CCDC102B: variants seen among roughly 807,000 people sequenced by gnomAD.
The protein encoded by CCDC102B is coiled-coil domain containing 102B, also known as coiled-coil domain-containing protein 102B.
CCDC102B carries 75 observed loss-of-function variants against 57.4 expected under a neutral mutation model. The ratio of observed to expected loss-of-function variants is 1.31; its 90% CI spans 1.08 to 1.58. The LOEUF (loss-of-function observed/expected upper bound fraction) is 1.58, where lower values mean the gene tolerates loss of function less well. Among genes scored for constraint, CCDC102B ranks in the 40% most tolerant of loss-of-function variants. The pLI, the probability that CCDC102B is intolerant of heterozygous loss-of-function variation, is 0.00. For synonymous variants in CCDC102B, 206 were observed against 201.9 expected, an observed-to-expected ratio of 1.02 and a Z score of -0.17; for missense variants, 636 against 582.6, an observed-to-expected ratio of 1.09 and a Z score of -0.94.
At chr18:68,984,572 CT>C (rs2050676611) in intron 6 of CCDC102B, among the ~76,000 whole-genome samples, 3 of 152,086 alleles carry the variant, frequency 2.0e-5, no homozygotes, top group Admixed American at 6.6e-5. Flanking sequence ...TCATTACTAG[CT>C]CTGGAGCAAA....
intron 7 of CCDC102B, among the ~76,000 whole-genome samples, chr18:69,013,677 T>G (rs1455772970): frequency 6.6e-6 from 1 of 152,202 alleles, no homozygotes; most frequent in Non-Finnish European, 1.5e-5. Flanking sequence ...GATTTTTAGG[T>G]GAAAACATAT....
intron 2 of CCDC102B, among the ~76,000 whole-genome samples, chr18:68,737,841 A>G (rs2033214195): frequency 6.6e-6 from 1 of 152,040 alleles, no homozygotes; most frequent in South Asian, 2.1e-4. Flanking sequence ...GTTTAGTGCA[A>G]TCCACATTGT....
intron 2 of CCDC102B, among the ~76,000 whole-genome samples, chr18:68,788,921 C>G (rs1404172259): frequency 3.3e-5 from 5 of 151,986 alleles, no homozygotes; most frequent in East Asian, 1.9e-4. Flanking sequence ...TTTCTTCCTA[C>G]TCTGGATGGT....
intron 5 of CCDC102B, among the ~76,000 whole-genome samples, chr18:68,886,486 A>G (rs1461810726): frequency 6.6e-6 from 1 of 152,156 alleles, no homozygotes; most frequent in Non-Finnish European, 1.5e-5. Flanking sequence ...CAATGTTAAC[A>G]TGGAAGAAAT....
At chr18:68,773,378 A>G (rs2034705560) in intron 2 of CCDC102B, among the ~76,000 whole-genome samples, 1 of 152,068 alleles carries the variant, frequency 6.6e-6, no homozygotes, top group African/African-American at 2.4e-5. Flanking sequence ...CTTCATATGC[A>G]GTAAAGAGAA....
chr18:68,819,708 A>G (rs937701114), intron 1 of CCDC102B, among the ~76,000 whole-genome samples: 5 of 152,036 alleles, frequency 3.3e-5, no homozygotes, highest in African/African-American at 1.2e-4. Context: ...CCACAAACAG[A>G]CATAATATAT....
intron 2 of CCDC102B, among the ~76,000 whole-genome samples, chr18:68,757,920 GA>G (rs1267331928): frequency 6.6e-6 from 1 of 151,630 alleles, no homozygotes; most frequent in East Asian, 1.9e-4. Flanking sequence ...ACACATATTA[GA>G]AAGACATCAA....
At chr18:68,823,698 C>T (rs1447768278) in intron 1 of CCDC102B, among the ~76,000 whole-genome samples, 1 of 152,186 alleles carries the variant, frequency 6.6e-6, no homozygotes, top group Non-Finnish European at 1.5e-5. Flanking sequence ...TCATTTAACT[C>T]TGCAGCCTCA....
intron 4 of CCDC102B, among the ~76,000 whole-genome samples, chr18:68,855,670 T>C (rs2038349993): frequency 6.6e-6 from 1 of 152,196 alleles, no homozygotes. Flanking sequence ...ACTAATTTTA[T>C]GCTGTAGATT....
chr18:68,836,832 T>C lies in CCDC102B; in HGVS notation c.69T>C (p.Ile23=). ...TQIFQMQQSS[I]KSRGDMVAPA... ...TCTTCCAGATGCAACAATCATCAAT[T>C]AAGTCACGCGGCGACATGGTGGCAC... Residue 23 remains isoleucine (I), a synonymous_variant, in exon 2 of 8, where the codon ATT becomes ATC. Coordinates refer to ENST00000360242, the MANE Select transcript of CCDC102B (RefSeq NM_024781.3). The C allele has an allele frequency of 1.2e-6, 2 of 1,613,922 alleles. No individual in the cohort carries two copies. The highest frequency in any genetic ancestry group is 2.2e-5 in the South Asian group (2 of 91,072).
chr18:68,753,709 T>C (rs1364478627), intron 2 of CCDC102B: 1 of 151,594 alleles, frequency 6.6e-6, no homozygotes, highest in Non-Finnish European at 1.5e-5. Flanking sequence ...TGCCACTGCA[T>C]TTGGCTAATT....
chr18:68,861,656 G>A (rs1288415389), intron 4 of CCDC102B, among the ~76,000 whole-genome samples: 1 of 152,106 alleles, frequency 6.6e-6, no homozygotes, highest in Non-Finnish European at 1.5e-5. Context: ...TACTGGCCTT[G>A]TGTGAATCCT....
intron 1 of CCDC102B, among the ~76,000 whole-genome samples, chr18:68,815,628 A>G (rs1048385354): frequency 4.0e-5 from 6 of 151,478 alleles, no homozygotes; most frequent in Admixed American, 3.3e-4. Context: ...GAAATATGGT[A>G]TAGATTCATC....
intron 4 of CCDC102B, among the ~76,000 whole-genome samples, chr18:68,873,364 T>G (rs1289984186): frequency 6.6e-6 from 1 of 152,156 alleles, no homozygotes; most frequent in Non-Finnish European, 1.5e-5. Flanking sequence ...CTATGACATT[T>G]TCTGCTCTTT....
intron 1 of CCDC102B, among the ~76,000 whole-genome samples, chr18:68,822,380 C>T (rs112224182): frequency 6.8e-6 from 1 of 146,458 alleles, no homozygotes; most frequent in African/African-American, 2.5e-5. Flanking sequence ...GGCAACATAG[C>T]GAGACTCCAT....
chr18:68,773,953 C>T (rs1021747335), intron 2 of CCDC102B, among the ~76,000 whole-genome samples: 30 of 151,822 alleles, frequency 2.0e-4, no homozygotes, highest in African/African-American at 7.3e-4. Context: ...AAAATGTATG[C>T]CTTTTCTTTC....
chr18:69,053,931 C>A, intron 7 of CCDC102B, 99 bp from the exon 8 acceptor site: 3 of 928,078 alleles, frequency 3.2e-6, no homozygotes, highest in Non-Finnish European at 3.2e-6. Flanking sequence ...ATTCTCTTAG[C>A]AATTTTTAAG....
chr18:68,839,303 A>T (rs2037520445), intron 3 of CCDC102B, among the ~76,000 whole-genome samples: 1 of 152,174 alleles, frequency 6.6e-6, no homozygotes, highest in Admixed American at 6.5e-5. Flanking sequence ...TAGTGGAAAA[A>T]TCACAATTTT....
In CCDC102B at chr18:68,833,460, C is replaced by T. The variant is rs142999676; in HGVS notation, c.-15-3289C>T. On this transcript the variant is annotated intron_variant, in intron 1 of 7. Transcript: ENST00000360242. ...AAAACACACAAAAAAGTAAATGGTA[C>T]AATTAGTATGTCAAGGTGACTTACT... is the stretch of plus-strand genomic sequence containing the variant. Among the ~76,000 whole-genome samples, 512 of 148,868 alleles carry T rather than the reference C, an allele frequency of 3.4e-3. 7 individuals are homozygous for T. Among genetic ancestry groups the T allele is most frequent in the Non-Finnish European group, 2.0e-3 (136 of 67,512 alleles).
Sources: allele counts gnomAD v4.1 joint callset (sites outside exome capture counted in the v4.1 genomes callset), GRCh38; gene constraint gnomAD v4.1.1; transcripts MANE v1.5; gene names NCBI Gene and HGNC (gene_info 2026-07-23, HGNC 2026-07-21).